The following CDH13 variants were observed in gnomAD, a reference collection of about 807,000 sequenced individuals.
The protein encoded by CDH13 is cadherin 13.
In CDH13, 24 loss-of-function variants were observed where a neutral mutation model predicts 63.8. That is an observed-to-expected ratio of 0.38 (90% CI 0.27 to 0.53). CDH13 has a LOEUF of 0.53. Among genes scored for constraint, CDH13 ranks in the 20% least tolerant of loss-of-function variants. CDH13 has a pLI of 0.85. For synonymous variants in CDH13, 503 were observed against 355.3 expected, an observed-to-expected ratio of 1.42 and a Z score of -4.67; for missense variants, 1,049 against 903.1, an observed-to-expected ratio of 1.16 and a Z score of -2.07.
intron 2 of CDH13, among the ~76,000 whole-genome samples, chr16:82,890,548 A>G (rs1176234941): frequency 6.6e-6 from 1 of 152,174 alleles, no homozygotes; most frequent in African/African-American, 2.4e-5. Flanking sequence ...AGTAAATTAA[A>G]TGGCAGTCTT....
intron 5 of CDH13, among the ~76,000 whole-genome samples, chr16:83,329,148 T>G (rs1210928204): frequency 1.3e-5 from 2 of 152,230 alleles, no homozygotes; most frequent in Admixed American, 1.3e-4. Flanking sequence ...ACCTACTAAA[T>G]GCTTGTGGTT....
At chr16:82,943,966 A>C (rs756845470) in intron 2 of CDH13, among the ~76,000 whole-genome samples, 10 of 152,172 alleles carry the variant, frequency 6.6e-5, no homozygotes, top group Non-Finnish European at 1.5e-4. Flanking sequence ...TGTCCTTGGC[A>C]TCTTATTCAG....
intron 5 of CDH13, among the ~76,000 whole-genome samples, chr16:83,257,314 T>C (rs902014354): frequency 6.6e-6 from 1 of 152,152 alleles, no homozygotes; most frequent in African/African-American, 2.4e-5. Flanking sequence ...GTAGAATTCA[T>C]CGTATTTTTT....
chr16:82,687,380 G>A (rs969924316), intron 1 of CDH13, among the ~76,000 whole-genome samples: 2 of 152,106 alleles, frequency 1.3e-5, no homozygotes, highest in African/African-American at 2.4e-5. Flanking sequence ...TGTATTAGTC[G>A]GTTCTCAAGC....
At chr16:83,182,057 T>C (rs8058964) in intron 4 of CDH13, among the ~76,000 whole-genome samples, 30,211 of 152,130 alleles carry the variant, frequency 0.2, 4,664 homozygotes, top group African/African-American at 0.44. Context: ...AGGAAAAGTG[T>C]GCATTGTCTG....
intron 7 of CDH13, chr16:83,508,476 C>T (rs1174901290): frequency 6.5e-6 from 1 of 152,950 alleles, no homozygotes; most frequent in Admixed American, 6.5e-5. Flanking sequence ...ACCTGTTAAT[C>T]CCTGCAGCTG....
At chr16:82,795,407 A>C (rs1424106884) in intron 1 of CDH13, among the ~76,000 whole-genome samples, 2 of 152,172 alleles carry the variant, frequency 1.3e-5, no homozygotes, top group Non-Finnish European at 2.9e-5. Context: ...GCAGTCAGCC[A>C]ATGCATCAAC....
At chr16:83,215,635 G>A (rs903629056) in intron 4 of CDH13, among the ~76,000 whole-genome samples, 4 of 151,880 alleles carry the variant, frequency 2.6e-5, no homozygotes, top group South Asian at 2.1e-4. Flanking sequence ...CTAAAGTGGC[G>A]GGGGTGGTGG....
chr16:82,884,686 C>G (rs749875169), intron 2 of CDH13, among the ~76,000 whole-genome samples: 5 of 152,198 alleles, frequency 3.3e-5, no homozygotes, highest in Non-Finnish European at 5.9e-5. Flanking sequence ...TGCAATTGAA[C>G]TGGAAACAGC....
intron 5 of CDH13, among the ~76,000 whole-genome samples, chr16:83,232,521 C>A (rs564684929): frequency 2.8e-4 from 40 of 145,022 alleles, no homozygotes; most frequent in African/African-American, 1.1e-3. Context: ...AGGACTCTGT[C>A]TCAAAAAACG....
chr16:83,125,695 T>C (rs1265718777), intron 4 of CDH13, among the ~76,000 whole-genome samples, 194 bp downstream of exon 4: 2 of 152,160 alleles, frequency 1.3e-5, no homozygotes, highest in African/African-American at 2.4e-5. Flanking sequence ...AAAAAACCAA[T>C]AGCAGCTTTG....
intron 6 of CDH13, among the ~76,000 whole-genome samples, chr16:83,375,370 G>T (rs1346468326): frequency 3.9e-5 from 6 of 152,212 alleles, no homozygotes; most frequent in Non-Finnish European, 5.9e-5. Context: ...TTTAAGGAGG[G>T]TCTGAAGTGT....
At chr16:83,788,187 G>A (rs139317186) in intron 13 of CDH13, among the ~76,000 whole-genome samples, 27 of 152,184 alleles carry the variant, frequency 1.8e-4, no homozygotes, top group African/African-American at 5.3e-4. Flanking sequence ...GCCTCACTCC[G>A]TGACATCTCT....
Position 82,672,982 on chromosome 16 carries a change from A to AATTT in CDH13, c.45+45846_45+45849dup, listed in dbSNP as rs544906371. On this transcript the variant is annotated intron_variant, in intron 1 of 13. Coordinates refer to ENST00000567109, the MANE Select transcript of CDH13 (RefSeq NM_001257.5). ...GGATTGCGTGCCACCATGTATGGCT[A>AATTT]ATTTTTATAAAGTTTTCTTTTTTTT... Among the ~76,000 whole-genome samples, 360 of 137,216 alleles carry AATTT rather than the reference A, an allele frequency of 2.6e-3. 2 individuals are homozygous for AATTT. Among genetic ancestry groups the AATTT allele is most frequent in the Non-Finnish European group, 4.1e-3 (269 of 65,042 alleles). 90.0% of individuals were successfully genotyped at this position (137,216 alleles called of 152,430 possible). A position where few individuals can be genotyped will look rare whatever the true frequency, so the allele number is the denominator to read the frequency against.
At chr16:82,773,976 G>T (rs943226099) in intron 1 of CDH13, among the ~76,000 whole-genome samples, 1 of 151,940 alleles carries the variant, frequency 6.6e-6, no homozygotes, top group African/African-American at 2.4e-5. Context: ...GGAGAGACAG[G>T]GTTTCACTAT....
chr16:83,627,827 G>A (rs1246443402), intron 8 of CDH13, among the ~76,000 whole-genome samples: 2 of 152,180 alleles, frequency 1.3e-5, no homozygotes, highest in Non-Finnish European at 2.9e-5. Flanking sequence ...ATGAATACAA[G>A]TATGGCTACA....
intron 6 of CDH13, among the ~76,000 whole-genome samples, chr16:83,473,275 A>G (rs1281972140): frequency 6.6e-6 from 1 of 152,248 alleles, no homozygotes; most frequent in Non-Finnish European, 1.5e-5. Context: ...AACAGCTTGC[A>G]ACATCACCAT....
intron 2 of CDH13, among the ~76,000 whole-genome samples, chr16:82,990,687 C>T (rs1911556192): frequency 6.6e-6 from 1 of 151,902 alleles, no homozygotes; most frequent in Non-Finnish European, 1.5e-5. Context: ...GCTAGAATTA[C>T]AGGTGCATGC....
At chr16:83,454,068 G>T (rs1278141837) in intron 6 of CDH13, among the ~76,000 whole-genome samples, 1 of 152,194 alleles carries the variant, frequency 6.6e-6, no homozygotes, top group Non-Finnish European at 1.5e-5. Flanking sequence ...GTCACTATCT[G>T]TGGAAAAATT....
Sources: gnomAD v4.1 joint callset for allele counts (sites outside exome capture counted in the v4.1 genomes callset) on GRCh38, gnomAD v4.1.1 for gene constraint, MANE v1.5 for transcripts, NCBI Gene and HGNC (gene_info 2026-07-23, HGNC 2026-07-21) for gene names.